Variants in SAMSN1 observed in about 807,000 individuals in gnomAD.
SAMSN1 encodes the protein SAM domain-containing protein SAMSN-1.
SAMSN1 carries 31 observed loss-of-function variants against 42.0 expected under a neutral mutation model. That is an observed-to-expected ratio of 0.74 (90% CI 0.55 to 1.00). The LOEUF is 1.00. Among genes scored for constraint, SAMSN1 ranks in the 50% least tolerant of loss-of-function variants. SAMSN1 has a pLI of 0.00. For synonymous variants in SAMSN1, 178 were observed against 151.9 expected (o/e 1.17, Z -1.26); for missense variants, 464 against 439.4 (o/e 1.06, Z -0.50).
In SAMSN1 at chr21:14,528,819, T is replaced by C. The variant is rs1271304311; in HGVS notation, c.58-7598A>G. Among the ~76,000 whole-genome samples the C allele has an allele frequency of 2.0e-5, 3 of 152,196 alleles. 1 individual carries two copies. Among genetic ancestry groups the C allele is most frequent in the African/African-American group, 7.2e-5 (3 of 41,446 alleles). On this transcript the variant is annotated intron_variant, in intron 1 of 7. Coordinates refer to ENST00000400566, the MANE Select transcript of SAMSN1 (RefSeq NM_022136.5). ...CATCATCTCATTCTTCTTTCCAAAA[T>C]GTAAAGCTTGCTCCACATTGCCATG...
At chr21:14,648,764 G>T (rs1165691415) in intron 1 of SAMSN1, among the ~76,000 whole-genome samples, 2 of 151,734 alleles carry the variant, frequency 1.3e-5, no homozygotes, top group Non-Finnish European at 2.9e-5. Context: ...AAAAAGTCAG[G>T]AAACAACAGG....
chr21:14,538,543 A>G (rs755577546), intron 1 of SAMSN1, among the ~76,000 whole-genome samples: 1 of 152,216 alleles, frequency 6.6e-6, no homozygotes, highest in Non-Finnish European at 1.5e-5. Flanking sequence ...GCACCAGTGC[A>G]TATAAATACT....
chr21:14,638,346 A>G (rs967383008), intron 2 of SAMSN1, among the ~76,000 whole-genome samples: 2 of 152,172 alleles, frequency 1.3e-5, no homozygotes, highest in Non-Finnish European at 2.9e-5. Context: ...TGTAAAACAT[A>G]TTATATATTT....
At chr21:14,561,012 A>T (rs1478986960) in intron 2 of SAMSN1, among the ~76,000 whole-genome samples, 1 of 152,208 alleles carries the variant, frequency 6.6e-6, no homozygotes, top group South Asian at 2.1e-4. Flanking sequence ...CACTGATAAG[A>T]TAGACACAGT....
At chr21:14,628,685 G>T (rs1263239685) in intron 2 of SAMSN1, among the ~76,000 whole-genome samples, 1 of 152,132 alleles carries the variant, frequency 6.6e-6, no homozygotes, top group Non-Finnish European at 1.5e-5. Context: ...AGATCACTTT[G>T]GCAAAGGGGA....
At chr21:14,555,709 C>T (rs1980741942) in intron 2 of SAMSN1, among the ~76,000 whole-genome samples, 1 of 152,132 alleles carries the variant, frequency 6.6e-6, no homozygotes, top group Non-Finnish European at 1.5e-5. Context: ...TCTTTATAAA[C>T]AGGATAAAAC....
rs1174752460 is a variant in SAMSN1 at position 14,619,345 on chromosome 21, CTGAT to C, written c.157-3333_157-3330del. Among the ~76,000 whole-genome samples, 7 of 152,270 alleles carry C rather than the reference CTGAT, an allele frequency of 4.6e-5. No homozygotes were observed. In the East Asian group the frequency reaches 1.4e-3, roughly 29 times the overall value. On this transcript the variant is annotated intron_variant, in intron 2 of 15. Transcript: ENST00000647101. ...AAAGATGATTCTGTACCAGAGAAAA[CTGAT>C]TGGCAGCAATTGATGATGTAAATCC...
At chr21:14,586,860 C>A (rs1489241657), upstream of SAMSN1, among the ~76,000 whole-genome samples, 1 of 152,126 alleles carries the variant, frequency 6.6e-6, no homozygotes, top group African/African-American at 2.4e-5. Context: ...GTCAGCCAGG[C>A]AAGTAGCAGA....
At chr21:14,612,964 T>C (rs985865943) in intron 3 of SAMSN1, 2 of 662,786 alleles carry the variant, frequency 3.0e-6, no homozygotes, top group East Asian at 2.7e-5. Context: ...ATAAATAACA[T>C]TTTAATCAAA....
At chr21:14,560,033 A>C (rs1420623190) in intron 2 of SAMSN1, among the ~76,000 whole-genome samples, 9 of 152,192 alleles carry the variant, frequency 5.9e-5, no homozygotes, top group Admixed American at 6.6e-5. Flanking sequence ...GTGCCTTCCA[A>C]GACTTTACAG....
intron 2 of SAMSN1, among the ~76,000 whole-genome samples, chr21:14,617,284 G>T (rs1037542300): frequency 1.6e-4 from 25 of 152,252 alleles, no homozygotes; most frequent in African/African-American, 5.1e-4. Flanking sequence ...TCTATGCTTT[G>T]TCATCCTGTG....
exon 2 of SAMSN1, chr21:14,643,054 G>C: frequency 2.8e-6 from 2 of 717,316 alleles, no homozygotes; most frequent in South Asian, 3.0e-5. Context: ...TGGGATAGGA[G>C]AATCAGTTCT....
intron 6 of SAMSN1, among the ~76,000 whole-genome samples, chr21:14,596,533 T>C (rs1464167230): frequency 6.6e-6 from 1 of 152,096 alleles, no homozygotes; most frequent in African/African-American, 2.4e-5. Flanking sequence ...TTCTAACAAA[T>C]AGAATAAAAT....
intron 5 of SAMSN1, among the ~76,000 whole-genome samples, chr21:14,608,571 A>G (rs1223423430): frequency 6.6e-6 from 1 of 152,142 alleles, no homozygotes; most frequent in African/African-American, 2.4e-5. Context: ...ACTGAGGTGC[A>G]CATGATCTAG....
chr21:14,604,367 G>A (rs1449437617), intron 5 of SAMSN1, among the ~76,000 whole-genome samples: 1 of 152,062 alleles, frequency 6.6e-6, no homozygotes, highest in African/African-American at 2.4e-5. Flanking sequence ...TGACTCACTT[G>A]TCACAGTAGA....
intron 7 of SAMSN1, among the ~76,000 whole-genome samples, chr21:14,588,765 C>T (rs968074797): frequency 6.6e-6 from 1 of 151,758 alleles, no homozygotes; most frequent in Non-Finnish European, 1.5e-5. Flanking sequence ...ATTCTATCTC[C>T]AAAATGTATC....
At chr21:14,634,777 C>T (rs1600976609) in intron 2 of SAMSN1, among the ~76,000 whole-genome samples, 1 of 152,138 alleles carries the variant, frequency 6.6e-6, no homozygotes, top group Non-Finnish European at 1.5e-5. Context: ...GGATCTGGAA[C>T]CAGAAATACC....
intron 2 of SAMSN1, among the ~76,000 whole-genome samples, chr21:14,636,392 C>T (rs1983467657): frequency 6.6e-6 from 1 of 152,188 alleles, no homozygotes; most frequent in African/African-American, 2.4e-5. Context: ...CTCCTCACCC[C>T]ACTGCCACCG....
Position 14,626,159 on chromosome 21 carries a change from C to T in SAMSN1, c.157-10143G>A, listed in dbSNP as rs139298499. On this transcript the variant is annotated intron_variant, in intron 2 of 15. Transcript: ENST00000647101. Reference sequence around the variant, plus strand: ...TGGATTAAAGACTTACATGTCAGACCTAAAACCATAAAAACCCTAGAAGAA... The same window carrying T: ...TGGATTAAAGACTTACATGTCAGACTTAAAACCATAAAAACCCTAGAAGAA... Among the ~76,000 whole-genome samples, 9 of 152,246 alleles carry T rather than the reference C, an allele frequency of 5.9e-5. No individual in the cohort carries two copies. In the East Asian group the frequency reaches 1.5e-3, roughly 26 times the overall value.
Sources: gnomAD v4.1 joint callset for allele counts (sites outside exome capture counted in the v4.1 genomes callset) on GRCh38, gnomAD v4.1.1 for gene constraint, MANE v1.5 for transcripts, NCBI Gene and HGNC (gene_info 2026-07-23, HGNC 2026-07-21) for gene names.